The following DOCK4 variants were observed in gnomAD, a reference collection of about 807,000 sequenced individuals.
The protein encoded by DOCK4 is dedicator of cytokinesis 4.
In DOCK4, 97 loss-of-function variants were observed where a neutral mutation model predicts 268.1. The observed-to-expected ratio is 0.36, with a 90% CI of 0.31 to 0.43. The LOEUF is 0.43. Among genes scored for constraint, DOCK4 ranks in the 20% least tolerant of loss-of-function variants. DOCK4 has a pLI of 1.00. For synonymous variants in DOCK4, 954 were observed against 887.2 expected (o/e 1.08, Z -1.34); for missense variants, 2,145 against 2,455.7 (o/e 0.87, Z 2.67).
At chr7:112,069,604 C>T (rs1026966693) in intron 1 of DOCK4, among the ~76,000 whole-genome samples, 10 of 152,128 alleles carry the variant, frequency 6.6e-5, no homozygotes, top group African/African-American at 2.2e-4. Context: ...GTACAAAGAG[C>T]CTCACACAAG....
chr7:112,000,442 ACTAT>A (rs879554217), intron 3 of DOCK4, 48 bp downstream of exon 3: 95 of 1,105,630 alleles, frequency 8.6e-5, no homozygotes, highest in Non-Finnish European at 1.1e-4. Context: ...AATTTAAATA[ACTAT>A]CTTTCTTAAT....
chr7:111,795,482 A>G (rs1465306331), intron 30 of DOCK4, among the ~76,000 whole-genome samples: 1 of 152,186 alleles, frequency 6.6e-6, no homozygotes, highest in Non-Finnish European at 1.5e-5. Context: ...AGAAAGCCTA[A>G]GAGTACACAG....
intron 26 of DOCK4, among the ~76,000 whole-genome samples, chr7:111,823,398 G>T (rs145667140): frequency 0.03 from 4,579 of 151,770 alleles, 105 homozygotes; most frequent in Admixed American, 0.048. Context: ...AGTAGAGACG[G>T]GGTTTCACCA....
At chr7:111,814,210 G>A (rs1316046175) in intron 27 of DOCK4, among the ~76,000 whole-genome samples, 1 of 152,150 alleles carries the variant, frequency 6.6e-6, no homozygotes, top group Non-Finnish European at 1.5e-5. Flanking sequence ...TTACCAAATT[G>A]TTATTTACAT....
intron 23 of DOCK4, among the ~76,000 whole-genome samples, chr7:111,856,907 C>T (rs956944796): frequency 9.2e-5 from 14 of 152,146 alleles, no homozygotes; most frequent in African/African-American, 3.1e-4. Context: ...AAGGTCTGTA[C>T]ATTTTTTGCA....
At chr7:111,782,820 C>G in intron 35 of DOCK4, 44 bp downstream of exon 35, 1 of 1,577,078 alleles carries the variant, frequency 6.3e-7, no homozygotes, top group Non-Finnish European at 8.7e-7. Context: ...GAAAAAAATA[C>G]AAGTATTAGG....
At chr7:111,730,512 GCCAATTAAGAGTTC>G (rs1451246713) in intron 52 of DOCK4, among the ~76,000 whole-genome samples, 1 of 152,090 alleles carries the variant, frequency 6.6e-6, no homozygotes, top group Non-Finnish European at 1.5e-5. Flanking sequence ...TAACATTAAG[GCCAATTAAGAGTTC>G]CCAATTCACT....
chr7:112,106,271 C>G (rs1368082454), intron 1 of DOCK4, among the ~76,000 whole-genome samples: 1 of 152,160 alleles, frequency 6.6e-6, no homozygotes, highest in Admixed American at 6.5e-5. Flanking sequence ...TCCAATCTGC[C>G]TCAAACAACT....
At chr7:111,893,655 C>T (rs954153191) in intron 16 of DOCK4, among the ~76,000 whole-genome samples, 1 of 152,168 alleles carries the variant, frequency 6.6e-6, no homozygotes, top group Non-Finnish European at 1.5e-5. Context: ...TATGTAGTTC[C>T]TCTGTTTGCT....
At chr7:111,861,745 C>CAAAAA in intron 23 of DOCK4, among the ~76,000 whole-genome samples, 1 of 114,644 alleles carries the variant, frequency 8.7e-6, no homozygotes. Context: ...GACTCAGTCT[C>CAAAAA]AAAAAAAAAA....
intron 24 of DOCK4, among the ~76,000 whole-genome samples, chr7:111,845,427 T>A (rs1804023472): frequency 6.6e-6 from 1 of 152,218 alleles, no homozygotes; most frequent in African/African-American, 2.4e-5. Flanking sequence ...TACCCTTAGC[T>A]ACAGAGTGGA....
At chr7:111,767,376 A>T (rs1256702744) in intron 37 of DOCK4, among the ~76,000 whole-genome samples, 1 of 151,688 alleles carries the variant, frequency 6.6e-6, no homozygotes, top group Non-Finnish European at 1.5e-5. Flanking sequence ...ACAGGCACGC[A>T]CCACCACACC....
Position 111,900,376 on chromosome 7 carries a change from G to A in DOCK4, c.1478C>T (p.Ser493Phe). 1 of 1,612,368 alleles carries A rather than the reference G, an allele frequency of 6.2e-7. No individual in the cohort carries two copies. The highest frequency in any genetic ancestry group is 1.1e-5 in the South Asian group (1 of 90,500). ...AHIRFEFRHC[S>F]TKEKGEKKLF... ...AGCCAATGCCACCAAACACTTACTG[G>A]AACAATGCCGAAACTCGAAGCGGAT... Residue 493 changes from serine (S) to phenylalanine (F), a missense_variant and splice_region_variant, in exon 15 of 53, where the codon TCC becomes TTC. Transcript: ENST00000428084.
chr7:111,762,236 A>C (rs1797453651), intron 39 of DOCK4, among the ~76,000 whole-genome samples: 1 of 152,212 alleles, frequency 6.6e-6, no homozygotes, highest in South Asian at 2.1e-4. Flanking sequence ...CACATACAAT[A>C]AAATCCACCT....
chr7:112,145,788 C>T (rs1027686266), intron 1 of DOCK4, among the ~76,000 whole-genome samples: 2 of 151,172 alleles, frequency 1.3e-5, no homozygotes, highest in Non-Finnish European at 2.9e-5. Context: ...GTCCAAGTCA[C>T]AGCATCCAAG....
chr7:111,933,297 T>G (rs1028718925), intron 12 of DOCK4, among the ~76,000 whole-genome samples: 1 of 100,418 alleles, frequency 1.0e-5, no homozygotes, highest in Non-Finnish European at 2.0e-5. Flanking sequence ...TATATATATA[T>G]ATTTTTTTTT....
At chr7:111,980,636 T>A (rs1383844762) in intron 7 of DOCK4, among the ~76,000 whole-genome samples, 1 of 152,232 alleles carries the variant, frequency 6.6e-6, no homozygotes, top group Non-Finnish European at 1.5e-5. Context: ...CTGGGCTTTG[T>A]AGGACATCTA....
intron 17 of DOCK4, among the ~76,000 whole-genome samples, chr7:111,876,270 A>G (rs1477190768): frequency 1.3e-5 from 2 of 152,040 alleles, no homozygotes; most frequent in Admixed American, 1.3e-4. Flanking sequence ...TTGATGTTAC[A>G]TTTTCTTTTT....
chr7:112,036,700 G>A (rs1056524193), intron 1 of DOCK4, among the ~76,000 whole-genome samples: 6 of 132,948 alleles, frequency 4.5e-5, no homozygotes, highest in South Asian at 2.4e-4. Flanking sequence ...TCGCTCCATC[G>A]CCCAGGCTGG....
Sources: gnomAD v4.1 joint callset for allele counts (sites outside exome capture counted in the v4.1 genomes callset) on GRCh38, gnomAD v4.1.1 for gene constraint, MANE v1.5 for transcripts, NCBI Gene and HGNC (gene_info 2026-07-23, HGNC 2026-07-21) for gene names.